The following HEMK1 variants were observed in gnomAD, a reference collection of about 807,000 sequenced individuals.
The protein encoded by HEMK1 is MTRF1L release factor glutamine methyltransferase.
HEMK1 carries 36 observed loss-of-function variants against 47.9 expected under a neutral mutation model. The observed-to-expected ratio is 0.75, with a 90% CI of 0.58 to 0.99. The LOEUF is 0.99. Ranked by LOEUF, HEMK1 falls within the 50% of genes least tolerant of loss-of-function variation. The probability of loss-of-function intolerance (pLI) is 0.00; values close to 1 mark genes in which losing one functional copy is unlikely to be tolerated. For synonymous variants in HEMK1, 153 were observed against 165.4 expected (o/e 0.93, Z 0.57); for missense variants, 383 against 434.5 (o/e 0.88, Z 1.05).
chr3:50,579,141 G>A (rs2030334031), intron 8 of HEMK1, among the ~76,000 whole-genome samples: 1 of 152,206 alleles, frequency 6.6e-6, no homozygotes, highest in South Asian at 2.1e-4. Context: ...GACAGCCACC[G>A]AACCTCTCTG....
intron 1 of HEMK1, chr3:50,570,021 T>C (rs1700748260): frequency 6.6e-6 from 1 of 152,190 alleles, no homozygotes; most frequent in Non-Finnish European, 1.5e-5. Context: ...TTTGTATTTT[T>C]AGTAGAGACA....
upstream of HEMK1, chr3:50,569,373 T>C (rs906220152): frequency 6.6e-6 from 1 of 152,220 alleles, no homozygotes; most frequent in Admixed American, 6.5e-5. Context: ...TCCCCACCCA[T>C]CCGCAGGGGT....
chr3:50,574,685 G>A (rs1458625201), intron 4 of HEMK1, among the ~76,000 whole-genome samples: 3 of 152,134 alleles, frequency 2.0e-5, no homozygotes, highest in Non-Finnish European at 2.9e-5. Context: ...GCCCTATACT[G>A]CTCACTCTGT....
chr3:50,582,246 G>T lies in HEMK1; in HGVS notation c.*1829G>T, dbSNP rs2030907857. The T allele has an allele frequency of 6.6e-6, 1 of 152,272 alleles. No individual in the cohort carries two copies. The highest frequency in any genetic ancestry group is 2.4e-5 in the African/African-American group (1 of 41,466). The allele number at this position is 152,272 out of a possible 1,614,324, so 9.4% of individuals were successfully genotyped here. On this transcript the variant is annotated 3_prime_UTR_variant, in exon 11 of 11. Transcript: ENST00000232854. ...CACCAGAAGAGAGTGCAGTGTTGGA[G>T]AGTGACACTGTCGGGGCAGCTGGGG...
rs2031630379 is a variant in HEMK1, at chr3:50,589,919, G to T, written c.*9502G>T. The T allele has an allele frequency of 6.6e-6, 1 of 152,034 alleles. No homozygotes were observed. The highest frequency in any genetic ancestry group is 2.1e-4 in the South Asian group (1 of 4,820). 9.4% of individuals were successfully genotyped at this position (152,034 alleles called of 1,614,324 possible). ...TCTCAAAAATAATAATAATAGGCCA[G>T]GCGCAGTAGCTCACGTTTGTAATCC... On this transcript the variant is annotated 3_prime_UTR_variant, in exon 11 of 11. Coordinates refer to ENST00000232854, the MANE Select transcript of HEMK1 (RefSeq NM_016173.5).
At chr3:50,571,953 A>G (rs1440600835) in intron 3 of HEMK1, 152 bp downstream of exon 3, 5 of 1,128,316 alleles carry the variant, frequency 4.4e-6, no homozygotes, top group Non-Finnish European at 6.2e-6. Context: ...GGGGTACTGA[A>G]TAGGAAGAAG....
rs775852273 is a variant in HEMK1 at position 50,571,160 on chromosome 3, G to C, written c.56G>C (p.Gly19Ala). The change falls in exon 2 of 11, where the codon GGA (glycine) becomes GCA (alanine). Residue 19 changes from glycine (G) to alanine (A), a missense_variant. By Grantham distance (60) the Gly-to-Ala change is moderately conservative (BLOSUM62 0). Transcript: ENST00000232854. ...CTCCTGTCTGGCCCAGGGAGGAGGG[G>C]AAGTACCCGGGGCTGGGCCTTCAGC... ...WALLSGPGRRGSTRGWAFSSW... is the reference protein window; with the variant it reads ...WALLSGPGRRASTRGWAFSSW... 23 of 1,613,308 alleles carry C rather than the reference G, an allele frequency of 1.4e-5. No homozygotes were observed. The highest frequency in any genetic ancestry group is 1.9e-5 in the Non-Finnish European group (22 of 1,179,770).
rs151236865 is a variant in HEMK1 at position 50,574,732 on chromosome 3, T to C, written c.415-2320T>C. On this transcript the variant is annotated intron_variant, in intron 4 of 10. Transcript: ENST00000232854. Reference sequence around the variant, plus strand: ...CCTTGCAGGCTAAGCTTGCCACAAGTACCTTAGTGGTCTCCAGTAGTGCCT... The same window carrying C: ...CCTTGCAGGCTAAGCTTGCCACAAGCACCTTAGTGGTCTCCAGTAGTGCCT... 1.1e-4 allele frequency among the ~76,000 whole-genome samples: 17 copies of C among 152,288 alleles called. 1 individual carries two copies. The South Asian group carries it at 3.3e-3, about 30-fold the overall frequency.
intron 4 of HEMK1, among the ~76,000 whole-genome samples, chr3:50,576,421 A>G (rs976076193): frequency 3.9e-5 from 6 of 152,160 alleles, no homozygotes; most frequent in Admixed American, 3.9e-4. Context: ...TTCTTTTGAG[A>G]TGGAGTGTTG....
At chr3:50,577,933 G>A (rs1042402785) in intron 7 of HEMK1, 58 bp downstream of exon 7, 3 of 1,508,980 alleles carry the variant, frequency 2.0e-6, no homozygotes, top group Non-Finnish European at 2.8e-6. Context: ...GCTGCTGGGT[G>A]GATGAGGCAC....
Position 50,577,815 on chromosome 3 carries a change from T to G in HEMK1, c.615-11T>G, listed in dbSNP as rs777850763. 5 of 1,613,970 alleles carry G rather than the reference T, an allele frequency of 3.1e-6. No homozygotes were observed. In the African/African-American group the frequency reaches 5.3e-5, roughly 17 times the overall value. On this transcript the variant is annotated splice_polypyrimidine_tract_variant and intron_variant, in intron 6 of 10. Coordinates refer to ENST00000232854, the MANE Select transcript of HEMK1 (RefSeq NM_016173.5). ...GCCCCCGTGCCTACCCCTTTCTCCC[T>G]GTCTGTGTAGGCTTCGGTTGCAGGA...
In HEMK1 at chr3:50,586,093, C is replaced by G. The variant is rs1455056647; in HGVS notation, c.*5676C>G. The G allele has an allele frequency of 6.6e-6, 1 of 152,214 alleles. No homozygotes were observed. The highest frequency in any genetic ancestry group is 1.9e-4 in the East Asian group (1 of 5,188). 9.4% of individuals were successfully genotyped at this position (152,214 alleles called of 1,614,324 possible). ...AGCTCTGGTAGCTGTGGGAGGAGAG[C>G]AGGATTTCCCCCGCTTGCGGAATGA... On this transcript the variant is annotated 3_prime_UTR_variant, in exon 11 of 11. Coordinates refer to ENST00000232854, the MANE Select transcript of HEMK1 (RefSeq NM_016173.5).
In HEMK1 at chr3:50,578,679, C is replaced by T. The variant is rs2030208477; in HGVS notation, c.665-142C>T. 8 of 589,302 alleles carry T rather than the reference C, an allele frequency of 1.4e-5. No individual in the cohort carries two copies. In the Admixed American group the frequency reaches 2.4e-4, roughly 18 times the overall value. The allele number at this position is 589,302 out of a possible 1,614,324, so 36.5% of individuals were successfully genotyped here. On this transcript the variant is annotated intron_variant, in intron 7 of 10. Transcript: ENST00000232854. The stretch of plus-strand genomic sequence containing the variant: ...GGCTGCCAGCTGGGGACCCTGGGCA[C>T]TAATTTGCAGGTCTGGCTTATCAGA...
intron 3 of HEMK1, 118 bp downstream of exon 3, chr3:50,571,919 T>G: frequency 7.8e-7 from 1 of 1,282,896 alleles, no homozygotes. Context: ...GGTGTTGGGG[T>G]GCAGGAGTGG....
Position 50,585,004 on chromosome 3 carries a change from C to T in HEMK1, c.*4587C>T, listed in dbSNP as rs1245129917. 6.6e-6 allele frequency: 1 copy of T among 152,212 alleles called. No individual in the cohort carries two copies. Among genetic ancestry groups the T allele is most frequent in the Non-Finnish European group, 1.5e-5 (1 of 68,056 alleles). 9.4% of individuals were successfully genotyped at this position (152,212 alleles called of 1,614,324 possible). On this transcript the variant is annotated 3_prime_UTR_variant, in exon 11 of 11. Coordinates refer to ENST00000232854, the MANE Select transcript of HEMK1 (RefSeq NM_016173.5). Reference sequence around the variant, plus strand: ...CTTCAGACCTAAACTGCCCAGGCCCCCCCTTTTTTTACTCATATTTGGAGA... The same window carrying T: ...CTTCAGACCTAAACTGCCCAGGCCCTCCCTTTTTTTACTCATATTTGGAGA...
At chr3:50,575,563 C>G (rs779358606) in intron 4 of HEMK1, among the ~76,000 whole-genome samples, 1 of 152,212 alleles carries the variant, frequency 6.6e-6, no homozygotes. Flanking sequence ...GAGGCACACC[C>G]CATCCTTAGG....
At position 50,593,558 on chromosome 3, in the gene HEMK1, G is replaced by A. The variant is rs2031828559; in HGVS notation, c.*13141G>A. The A allele has an allele frequency of 6.6e-6, 1 of 152,202 alleles. No homozygotes were observed. Among genetic ancestry groups the A allele is most frequent in the African/African-American group, 2.4e-5 (1 of 41,434 alleles). 9.4% of individuals were successfully genotyped at this position (152,202 alleles called of 1,614,324 possible). ...AGTTTTTCTTGTTATGTATTATACAGAGAGATGGCCTAACTGGTTCTTGCT... is the reference window on the plus strand; with the variant it reads ...AGTTTTTCTTGTTATGTATTATACAAAGAGATGGCCTAACTGGTTCTTGCT... On this transcript the variant is annotated 3_prime_UTR_variant, in exon 11 of 11. Coordinates refer to ENST00000232854, the MANE Select transcript of HEMK1 (RefSeq NM_016173.5).
In HEMK1 at chr3:50,571,121, G is replaced by A. The variant is rs774515051; in HGVS notation, c.17G>A (p.Arg6Gln). 9.4e-6 allele frequency: 15 copies of A among 1,596,550 alleles called. No individual in the cohort carries two copies. The highest frequency in any genetic ancestry group is 4.0e-5 in the African/African-American group (3 of 74,088). MELWG[R>Q]MLWALLSGPG... ...CCCTGAGACATGGAGCTTTGGGGCC[G>A]AATGCTGTGGGCCCTCCTGTCTGGC... Residue 6 changes from arginine (R) to glutamine (Q), a missense_variant, in exon 2 of 11, where the codon CGA becomes CAA. Coordinates refer to ENST00000232854, the MANE Select transcript of HEMK1 (RefSeq NM_016173.5).
chr3:50,587,252 A>G lies in HEMK1; in HGVS notation c.*6835A>G, dbSNP rs1371717033. 1.3e-5 allele frequency: 2 copies of G among 152,186 alleles called. No homozygotes were observed. The highest frequency in any genetic ancestry group is 2.1e-4 in the South Asian group (1 of 4,822). 9.4% of individuals were successfully genotyped at this position (152,186 alleles called of 1,614,324 possible). A position where few individuals can be genotyped will look rare whatever the true frequency, so the allele number is the denominator to read the frequency against. ...CAAGGGTTTCCAGGGCTGTCCCTAG[A>G]GGGCTTTCTAGAAGACCTGCAGCTG... is the stretch of plus-strand genomic sequence containing the variant. On this transcript the variant is annotated 3_prime_UTR_variant, in exon 11 of 11. Coordinates refer to ENST00000232854, the MANE Select transcript of HEMK1 (RefSeq NM_016173.5). This position sits in a 1 kb window ranked among gnomAD's most constrained non-coding sequence, Gnocchi z 4.2.
Sources: allele counts gnomAD v4.1 joint callset (sites outside exome capture counted in the v4.1 genomes callset), GRCh38; gene constraint gnomAD v4.1.1; non-coding constraint Gnocchi (gnomAD v3.1); transcripts MANE v1.5; gene names NCBI Gene and HGNC (gene_info 2026-07-23, HGNC 2026-07-21).